Variants in NRG3 observed in about 807,000 individuals in gnomAD.
NRG3 encodes neuregulin 3, also known as pro-neuregulin-3, membrane-bound isoform.
In NRG3, 31 loss-of-function variants were observed where a neutral mutation model predicts 66.9. The ratio of observed to expected loss-of-function variants is 0.46; its 90% CI spans 0.35 to 0.63. The LOEUF (loss-of-function observed/expected upper bound fraction) is 0.63. NRG3 is among the 20% of genes least tolerant of loss of function. The pLI is 0.00. For synonymous variants in NRG3, 393 were observed against 359.4 expected, an observed-to-expected ratio of 1.09 and a Z score of -1.06; for missense variants, 910 against 878.9, an observed-to-expected ratio of 1.04 and a Z score of -0.45.
intron 4 of NRG3, among the ~76,000 whole-genome samples, chr10:82,903,299 A>G (rs1379634780): frequency 1.3e-5 from 2 of 152,134 alleles, no homozygotes; most frequent in East Asian, 3.9e-4. Context: ...AATCATCTCC[A>G]TGTAAGCATT....
At chr10:81,949,517 C>T (rs952185875) in intron 1 of NRG3, among the ~76,000 whole-genome samples, 2 of 151,944 alleles carry the variant, frequency 1.3e-5, no homozygotes, top group African/African-American at 4.8e-5. Context: ...TGCATCAGCC[C>T]ACTGGTACTC....
At chr10:82,246,255 T>A (rs570127826) in intron 1 of NRG3, among the ~76,000 whole-genome samples, 1 of 152,254 alleles carries the variant, frequency 6.6e-6, no homozygotes, top group East Asian at 1.9e-4. Context: ...CTGAAGACAG[T>A]GATATTAGAT....
chr10:82,724,486 G>T (rs1045932978), intron 2 of NRG3, among the ~76,000 whole-genome samples: 5 of 152,146 alleles, frequency 3.3e-5, no homozygotes, highest in African/African-American at 1.2e-4. Flanking sequence ...ACAATATCCT[G>T]GGAGAAATAG....
At chr10:82,926,405 C>T (rs1847003872) in intron 4 of NRG3, among the ~76,000 whole-genome samples, 1 of 152,134 alleles carries the variant, frequency 6.6e-6, no homozygotes, top group Non-Finnish European at 1.5e-5. Flanking sequence ...TGAAGTTCCA[C>T]CACTTAGCTT....
chr10:82,227,408 T>TATG (rs1471183395), intron 1 of NRG3, among the ~76,000 whole-genome samples: 7 of 152,028 alleles, frequency 4.6e-5, no homozygotes, highest in African/African-American at 1.4e-4. Context: ...TTATTATTAT[T>TATG]TTATTGTATC....
chr10:82,007,812 A>G (rs1164787290), intron 1 of NRG3, among the ~76,000 whole-genome samples: 1 of 152,164 alleles, frequency 6.6e-6, no homozygotes, highest in Non-Finnish European at 1.5e-5. Context: ...ATATGCTACA[A>G]CTTTTTCACC....
At chr10:81,973,344 T>C (rs925227076) in intron 1 of NRG3, among the ~76,000 whole-genome samples, 1 of 152,212 alleles carries the variant, frequency 6.6e-6, no homozygotes, top group Admixed American at 6.5e-5. Flanking sequence ...TGTTTTGCTA[T>C]TGTGAATAGT....
chr10:82,836,509 A>G (rs1456794065), intron 3 of NRG3, among the ~76,000 whole-genome samples: 1 of 152,164 alleles, frequency 6.6e-6, no homozygotes, highest in Non-Finnish European at 1.5e-5. Flanking sequence ...GTCCTTTGTG[A>G]TAACACTTGG....
At chr10:81,937,851 A>T (rs1848027564) in intron 1 of NRG3, among the ~76,000 whole-genome samples, 8 of 152,052 alleles carry the variant, frequency 5.3e-5, no homozygotes, top group Admixed American at 5.3e-4. Flanking sequence ...CCCCTGATTC[A>T]TCCAGTAGTT....
At chr10:82,978,482 G>C (rs1852515397) in intron 7 of NRG3, among the ~76,000 whole-genome samples, 1 of 152,174 alleles carries the variant, frequency 6.6e-6, no homozygotes, top group Non-Finnish European at 1.5e-5. Flanking sequence ...ATTAAAAGTT[G>C]TTAATTTTAT....
chr10:82,082,519 C>T (rs2133423556), intron 1 of NRG3, among the ~76,000 whole-genome samples: 1 of 152,056 alleles, frequency 6.6e-6, no homozygotes, highest in Non-Finnish European at 1.5e-5. Flanking sequence ...ACAGGGTTGT[C>T]TGTGGGGCTG....
intron 1 of NRG3, among the ~76,000 whole-genome samples, chr10:82,172,815 G>A (rs1217837207): frequency 6.6e-6 from 1 of 151,970 alleles, no homozygotes. Context: ...CCTAACACTG[G>A]CCTTGTGATG....
intron 3 of NRG3, among the ~76,000 whole-genome samples, chr10:82,812,217 C>T (rs1011015098): frequency 1.8e-4 from 27 of 152,324 alleles, no homozygotes; most frequent in Admixed American, 1.4e-3. Context: ...AGTCTCCTCT[C>T]AGTTGATGCT....
chr10:82,362,333 A>ATGTG (rs56996997), intron 2 of NRG3, among the ~76,000 whole-genome samples: 2,643 of 135,880 alleles, frequency 0.019, 43 homozygotes, highest in African/African-American at 0.039. Context: ...GTATATATAT[A>ATGTG]TGTGTGTGTG....
chr10:82,755,305 A>G (rs1565279815), intron 3 of NRG3, among the ~76,000 whole-genome samples: 1 of 152,086 alleles, frequency 6.6e-6, no homozygotes. Flanking sequence ...TTTTCCTTCA[A>G]TGGAGTTACT....
intron 7 of NRG3, among the ~76,000 whole-genome samples, chr10:82,977,599 A>C (rs1852418096): frequency 7.6e-6 from 1 of 131,416 alleles, no homozygotes; most frequent in Non-Finnish European, 1.6e-5. Flanking sequence ...ACTCTGTCTC[A>C]AAAAAAAAAA....
At chr10:82,212,171 A>G (rs564814857) in intron 1 of NRG3, among the ~76,000 whole-genome samples, 1 of 152,292 alleles carries the variant, frequency 6.6e-6, no homozygotes, top group South Asian at 2.1e-4. Context: ...TGACTAACCT[A>G]TAAAAACAGC....
chr10:82,962,380 T>C (rs1850739459), intron 6 of NRG3, among the ~76,000 whole-genome samples: 1 of 152,050 alleles, frequency 6.6e-6, no homozygotes, highest in South Asian at 2.1e-4. Flanking sequence ...TCTCTTAAAA[T>C]CAAGAGAAAA....
At chr10:82,561,113 A>T (rs2045011422) in intron 2 of NRG3, among the ~76,000 whole-genome samples, 1 of 152,130 alleles carries the variant, frequency 6.6e-6, no homozygotes, top group African/African-American at 2.4e-5. Flanking sequence ...CTCTTCCTAT[A>T]GTCTGTAAAA....
Sources: gnomAD v4.1 joint callset for allele counts (sites outside exome capture counted in the v4.1 genomes callset) on GRCh38, gnomAD v4.1.1 for gene constraint, MANE v1.5 for transcripts, NCBI Gene and HGNC (gene_info 2026-07-23, HGNC 2026-07-21) for gene names.